The following HS3ST4 variants were observed in gnomAD, a reference collection of about 807,000 sequenced individuals.
HS3ST4 encodes the protein heparan sulfate glucosamine 3-O-sulfotransferase 4.
HS3ST4 carries 17 observed loss-of-function variants against 29.2 expected under a neutral mutation model. The ratio of observed to expected loss-of-function variants is 0.58; its 90% CI spans 0.40 to 0.87. The LOEUF is 0.87. Among genes scored for constraint, HS3ST4 ranks in the 40% least tolerant of loss-of-function variants. The probability of loss-of-function intolerance (pLI) is 0.00; values close to 1 mark genes in which losing one functional copy is unlikely to be tolerated. For synonymous variants in HS3ST4, 314 were observed against 285.7 expected (o/e 1.10, Z -1.00); for missense variants, 627 against 634.5 (o/e 0.99, Z 0.13).
chr16:26,025,358 C>A (rs1457323888), intron 1 of HS3ST4: 1 of 154,322 alleles, frequency 6.5e-6, no homozygotes, highest in Admixed American at 6.5e-5. Context: ...CATCTATTAC[C>A]GTTTCATTCG....
chr16:25,793,197 G>C (rs1966873742), intron 1 of HS3ST4, among the ~76,000 whole-genome samples: 1 of 151,844 alleles, frequency 6.6e-6, no homozygotes, highest in Non-Finnish European at 1.5e-5. Context: ...TTATAATCCA[G>C]AGTATGGCAA....
chr16:26,067,561 T>C (rs1328761940), intron 1 of HS3ST4, among the ~76,000 whole-genome samples: 1 of 151,996 alleles, frequency 6.6e-6, no homozygotes, highest in Non-Finnish European at 1.5e-5. Context: ...TTTTGTAACT[T>C]GGGAAAATGA....
At chr16:25,825,548 G>C (rs1246569367) in intron 1 of HS3ST4, 1 of 152,282 alleles carries the variant, frequency 6.6e-6, no homozygotes, top group East Asian at 1.9e-4. Flanking sequence ...TGGGTCCTGA[G>C]CTTACTGCTG....
chr16:25,782,182 A>G (rs1347526563), intron 1 of HS3ST4, among the ~76,000 whole-genome samples: 2 of 152,186 alleles, frequency 1.3e-5, no homozygotes, highest in Non-Finnish European at 2.9e-5. Context: ...GAATTCACTC[A>G]TTATCACAAG....
chr16:26,036,246 C>T (rs1969582341), intron 1 of HS3ST4, among the ~76,000 whole-genome samples: 1 of 152,240 alleles, frequency 6.6e-6, no homozygotes, highest in African/African-American at 2.4e-5. Context: ...ACTCAATATA[C>T]ACACTGCAGC....
chr16:25,804,466 A>G (rs555740352), intron 1 of HS3ST4, among the ~76,000 whole-genome samples: 1 of 152,042 alleles, frequency 6.6e-6, no homozygotes, highest in Non-Finnish European at 1.5e-5. Flanking sequence ...CCCTTTCCCC[A>G]TTCAGCAAAT....
At chr16:26,069,311 C>T (rs992216889) in intron 1 of HS3ST4, among the ~76,000 whole-genome samples, 1 of 152,214 alleles carries the variant, frequency 6.6e-6, no homozygotes. Context: ...TCTATTTCTA[C>T]ACCTTGTAAA....
chr16:25,718,011 G>C (rs1166041208), intron 1 of HS3ST4, among the ~76,000 whole-genome samples: 3 of 152,174 alleles, frequency 2.0e-5, no homozygotes, highest in Non-Finnish European at 4.4e-5. Context: ...GCTTGCCTTT[G>C]AGGGGTGAGA....
chr16:26,042,344 G>A (rs1052240117), intron 1 of HS3ST4, among the ~76,000 whole-genome samples: 15 of 149,608 alleles, frequency 1.0e-4, no homozygotes, highest in Non-Finnish European at 1.9e-4. Context: ...ACTGATGCTG[G>A]CATTTATCTC....
At chr16:25,887,611 G>T (rs956912341) in intron 1 of HS3ST4, among the ~76,000 whole-genome samples, 2 of 152,064 alleles carry the variant, frequency 1.3e-5, no homozygotes, top group Non-Finnish European at 2.9e-5. Context: ...CTGAAGGTTG[G>T]AAGTCAGAAT....
intron 1 of HS3ST4, among the ~76,000 whole-genome samples, chr16:25,740,543 C>T (rs1215568592): frequency 6.6e-6 from 1 of 152,186 alleles, no homozygotes; most frequent in Non-Finnish European, 1.5e-5. Flanking sequence ...CAATGAATAA[C>T]AACCCGGTAT....
intron 1 of HS3ST4, among the ~76,000 whole-genome samples, chr16:25,972,278 G>C (rs183060169): frequency 6.6e-6 from 1 of 152,226 alleles, no homozygotes; most frequent in Non-Finnish European, 1.5e-5. Flanking sequence ...AGCTACTGCT[G>C]TGTAACAAAT....
intron 1 of HS3ST4, among the ~76,000 whole-genome samples, chr16:25,910,184 G>A (rs1186256173): frequency 6.6e-6 from 1 of 152,158 alleles, no homozygotes; most frequent in South Asian, 2.1e-4. Flanking sequence ...TTTTGCACAG[G>A]GCTTATGCTC....
intron 1 of HS3ST4, among the ~76,000 whole-genome samples, chr16:25,881,180 G>T (rs897447678): frequency 6.6e-6 from 1 of 152,130 alleles, no homozygotes; most frequent in Admixed American, 6.5e-5. Context: ...AGAACCCTTC[G>T]TAGGCAAATT....
intron 1 of HS3ST4, among the ~76,000 whole-genome samples, chr16:25,814,875 G>A (rs1256981634): frequency 6.6e-6 from 1 of 152,224 alleles, no homozygotes; most frequent in Non-Finnish European, 1.5e-5. Flanking sequence ...AATTCAGGAA[G>A]GCATAAGACA....
intron 1 of HS3ST4, among the ~76,000 whole-genome samples, chr16:25,857,903 C>T (rs5010890): frequency 0.28 from 16,583 of 60,048 alleles, 1,341 homozygotes; most frequent in Admixed American, 0.29. Flanking sequence ...TTTCTTTCTT[C>T]CTTCCTTCCT....
intron 1 of HS3ST4, among the ~76,000 whole-genome samples, chr16:26,053,209 C>A (rs111289656): frequency 6.6e-6 from 1 of 152,170 alleles, no homozygotes; most frequent in Non-Finnish European, 1.5e-5. Context: ...TCAATGATGA[C>A]CATGTGGTCT....
intron 1 of HS3ST4, among the ~76,000 whole-genome samples, chr16:25,943,197 AC>A (rs1157523595): frequency 6.6e-6 from 1 of 152,202 alleles, no homozygotes; most frequent in Admixed American, 6.5e-5. Context: ...GGGCATGGAA[AC>A]TTTTTGTACC....
At chr16:25,856,435 C>A (rs1181600702) in intron 1 of HS3ST4, among the ~76,000 whole-genome samples, 1 of 152,070 alleles carries the variant, frequency 6.6e-6, no homozygotes, top group East Asian at 1.9e-4. Flanking sequence ...CATTAAGAAA[C>A]CTGCATAACA....
Sources: allele counts gnomAD v4.1 joint callset (sites outside exome capture counted in the v4.1 genomes callset), GRCh38; gene constraint gnomAD v4.1.1; transcripts MANE v1.5; gene names NCBI Gene and HGNC (gene_info 2026-07-23, HGNC 2026-07-21).